NKAIN3: variants seen among roughly 807,000 people sequenced by gnomAD.
NKAIN3 encodes the protein sodium/potassium transporting ATPase interacting 3, also known as sodium/potassium-transporting ATPase subunit beta-1-interacting protein 3.
Under a neutral mutation model 30.2 loss-of-function variants are expected in NKAIN3, and 25 were observed. The observed-to-expected ratio is 0.83, with a 90% CI of 0.60 to 1.16. The LOEUF is 1.16. Ranked by LOEUF, NKAIN3 falls within the 50% of genes most tolerant of loss-of-function variation. The pLI, the probability that NKAIN3 is intolerant of heterozygous loss-of-function variation, is 0.00. For synonymous variants in NKAIN3, 91 were observed against 89.6 expected, an observed-to-expected ratio of 1.02 and a Z score of -0.09; for missense variants, 225 against 254.1, an observed-to-expected ratio of 0.89 and a Z score of 0.78.
At chr8:62,254,539 A>C (rs758433952) in intron 1 of NKAIN3, among the ~76,000 whole-genome samples, 3 of 152,200 alleles carry the variant, frequency 2.0e-5, no homozygotes, top group Non-Finnish European at 4.4e-5. Context: ...GATAAAAGTA[A>C]AACAAAACAC....
At chr8:62,864,177 G>C (rs1453923633) in intron 4 of NKAIN3, 3 of 640,476 alleles carry the variant, frequency 4.7e-6, no homozygotes, top group African/African-American at 3.7e-5. Flanking sequence ...TTGCTCAACC[G>C]ACCGGGAGGA....
At chr8:62,535,628 G>T (rs1261847306) in intron 1 of NKAIN3, among the ~76,000 whole-genome samples, 1 of 152,106 alleles carries the variant, frequency 6.6e-6, no homozygotes, top group African/African-American at 2.4e-5. Flanking sequence ...ATATTGCAAA[G>T]GATCAAGATG....
intron 1 of NKAIN3, among the ~76,000 whole-genome samples, chr8:62,520,096 A>G (rs577522818): frequency 1.9e-4 from 29 of 152,318 alleles, no homozygotes; most frequent in African/African-American, 4.8e-4. Flanking sequence ...TGTATACATT[A>G]GATGTATGTC....
intron 1 of NKAIN3, among the ~76,000 whole-genome samples, chr8:62,303,233 A>G (rs1814113400): frequency 6.7e-6 from 1 of 150,340 alleles, no homozygotes; most frequent in Admixed American, 6.6e-5. Flanking sequence ...TGAGCCCTAG[A>G]TAAACCTAAT....
At chr8:62,921,808 T>C (rs973578591) in intron 5 of NKAIN3, among the ~76,000 whole-genome samples, 2 of 152,174 alleles carry the variant, frequency 1.3e-5, no homozygotes, top group African/African-American at 4.8e-5. Context: ...TTGGGAATCA[T>C]TTGCTGAAAA....
chr8:62,654,434 A>G (rs535282675), intron 3 of NKAIN3, among the ~76,000 whole-genome samples: 2 of 152,226 alleles, frequency 1.3e-5, no homozygotes, highest in South Asian at 2.1e-4. Context: ...AAAAGCTTCA[A>G]TGGCTTAAAC....
chr8:62,652,162 A>G (rs72651578), intron 3 of NKAIN3, among the ~76,000 whole-genome samples: 2,918 of 152,192 alleles, frequency 0.019, 40 homozygotes, highest in Non-Finnish European at 0.026. Context: ...TCCAAATGCC[A>G]TCATCTTGGG....
intron 1 of NKAIN3, among the ~76,000 whole-genome samples, chr8:62,486,782 G>T (rs138829675): frequency 2.6e-5 from 4 of 152,258 alleles, no homozygotes; most frequent in African/African-American, 9.6e-5. Context: ...TCAGTAAATG[G>T]CAACTGGCAA....
chr8:62,563,788 T>G lies in NKAIN3; in HGVS notation c.55-15751T>G, dbSNP rs1418593061. 2.6e-5 allele frequency among the ~76,000 whole-genome samples: 4 copies of G among 152,292 alleles called. No homozygotes were observed. In the South Asian group the frequency reaches 8.3e-4, roughly 32 times the overall value. ...TGTTATGTACCCAATCTGCAGCTAT[T>G]GTTTGAGTTATTCTAATTATATTTA... On this transcript the variant is annotated intron_variant, in intron 1 of 6. Coordinates refer to ENST00000623646, the MANE Select transcript of NKAIN3 (RefSeq NM_001304533.3).
intron 1 of NKAIN3, among the ~76,000 whole-genome samples, chr8:62,321,876 G>A (rs1814929951): frequency 6.6e-6 from 1 of 152,184 alleles, no homozygotes; most frequent in Non-Finnish European, 1.5e-5. Context: ...GGACATTTAA[G>A]TCTGCAGAGA....
chr8:62,349,119 A>G lies in NKAIN3; in HGVS notation c.54+99992A>G, dbSNP rs542673832. Reference sequence around the variant, plus strand: ...ATATGGACAAAGGAAAAGCCTGAGTATTTCATGAGCCTCATTAGTTCTTGG... The same window carrying G: ...ATATGGACAAAGGAAAAGCCTGAGTGTTTCATGAGCCTCATTAGTTCTTGG... On this transcript the variant is annotated intron_variant, in intron 1 of 6. Transcript: ENST00000623646. Among the ~76,000 whole-genome samples, 10 of 152,290 alleles carry G rather than the reference A, an allele frequency of 6.6e-5. No homozygotes were observed. The East Asian group carries it at 1.9e-3, about 29-fold the overall frequency.
At chr8:62,631,059 T>C (rs1325260884) in intron 3 of NKAIN3, among the ~76,000 whole-genome samples, 4 of 152,144 alleles carry the variant, frequency 2.6e-5, no homozygotes, top group Non-Finnish European at 5.9e-5. Context: ...GCCATTCCAA[T>C]GGAGCTGCTC....
chr8:62,428,753 A>G (rs1462527611), intron 1 of NKAIN3, among the ~76,000 whole-genome samples: 1 of 151,840 alleles, frequency 6.6e-6, no homozygotes, highest in African/African-American at 2.4e-5. Context: ...ATATTTTTGC[A>G]AATATCTTCA....
At chr8:62,685,981 A>T (rs1270475245) in intron 3 of NKAIN3, among the ~76,000 whole-genome samples, 1 of 152,118 alleles carries the variant, frequency 6.6e-6, no homozygotes, top group East Asian at 1.9e-4. Context: ...TAAATTAAAT[A>T]ATGGTGATTA....
intron 1 of NKAIN3, among the ~76,000 whole-genome samples, chr8:62,422,398 T>C (rs570265761): frequency 2.0e-5 from 3 of 152,166 alleles, no homozygotes; most frequent in Non-Finnish European, 4.4e-5. Flanking sequence ...GTGAAAAATT[T>C]TGAATGCTAT....
At chr8:62,911,350 T>C (rs1821920415) in intron 4 of NKAIN3, among the ~76,000 whole-genome samples, 1 of 152,046 alleles carries the variant, frequency 6.6e-6, no homozygotes, top group Non-Finnish European at 1.5e-5. Flanking sequence ...CTTACCTGAG[T>C]TTGTTGTGGA....
At chr8:62,900,506 T>C (rs757493032) in intron 4 of NKAIN3, among the ~76,000 whole-genome samples, 28 of 152,142 alleles carry the variant, frequency 1.8e-4, no homozygotes, top group Non-Finnish European at 3.7e-4. Context: ...AGCCAGAGTG[T>C]CCCTACCTAA....
chr8:62,291,002 C>T (rs748354468), intron 1 of NKAIN3, among the ~76,000 whole-genome samples: 4 of 152,110 alleles, frequency 2.6e-5, no homozygotes, highest in Non-Finnish European at 5.9e-5. Context: ...TCAACTTCTT[C>T]TAGATTTTCT....
chr8:62,390,164 T>C (rs982865718), intron 1 of NKAIN3, among the ~76,000 whole-genome samples: 3 of 152,146 alleles, frequency 2.0e-5, no homozygotes, highest in Admixed American at 2.0e-4. Flanking sequence ...CTAGTACCCA[T>C]TAGTTATTCT....
Sources: gnomAD v4.1 joint callset for allele counts (sites outside exome capture counted in the v4.1 genomes callset) on GRCh38, gnomAD v4.1.1 for gene constraint, MANE v1.5 for transcripts, NCBI Gene and HGNC (gene_info 2026-07-23, HGNC 2026-07-21) for gene names.